The following CYP27C1 variants were observed in gnomAD, a reference collection of about 807,000 sequenced individuals.
The protein encoded by CYP27C1 is cytochrome P450 family 27 subfamily C member 1, also known as cytochrome P450 27C1.
CYP27C1 carries 29 observed loss-of-function variants against 40.6 expected under a neutral mutation model. The observed-to-expected ratio is 0.71, with a 90% CI of 0.53 to 0.97. The LOEUF is 0.97. CYP27C1 is among the 50% of genes least tolerant of loss of function. The probability of loss-of-function intolerance (pLI) is 0.00; values close to 1 mark genes in which losing one functional copy is unlikely to be tolerated. For missense variants in CYP27C1, 390 were observed against 485.8 expected (o/e 0.80, Z 1.85); for synonymous variants, 198 against 186.8 (o/e 1.06, Z -0.49).
At position 127,200,083 on chromosome 2, in the gene CYP27C1, C is replaced by T. The variant is rs1363913739; in HGVS notation, c.884-544G>A. Among the ~76,000 whole-genome samples, 3 of 152,134 alleles carry T rather than the reference C, an allele frequency of 2.0e-5. No homozygotes were observed. The highest frequency in any genetic ancestry group is 7.2e-5 in the African/African-American group (3 of 41,420). On this transcript the variant is annotated intron_variant, in intron 4 of 8. Transcript: ENST00000664447. The surrounding 1 kb of genome is among the most constrained non-coding windows in gnomAD (Gnocchi z 4.2). The stretch of plus-strand genomic sequence containing the variant: ...CAACCTCCGCCTCCCGGGTTCAAGC[C>T]ATTCTCCTGCCTCAGCCTCCCAAGT...
chr2:127,192,077 T>C (rs938829661), intron 8 of CYP27C1, among the ~76,000 whole-genome samples: 1 of 152,060 alleles, frequency 6.6e-6, no homozygotes, highest in Non-Finnish European at 1.5e-5. Context: ...GGTCCCTTAC[T>C]CTCCCTTCTG....
intron 5 of CYP27C1, among the ~76,000 whole-genome samples, chr2:127,198,334 C>T (rs1393573459): frequency 6.6e-6 from 1 of 152,080 alleles, no homozygotes; most frequent in Non-Finnish European, 1.5e-5. Context: ...GAATTCTTGG[C>T]TTTATAAATA....
chr2:127,217,240 A>C (rs896711626), intron 1 of CYP27C1, among the ~76,000 whole-genome samples: 1 of 152,206 alleles, frequency 6.6e-6, no homozygotes, highest in Non-Finnish European at 1.5e-5. Flanking sequence ...TGTTAAGAGC[A>C]CAGACTCTGG....
In CYP27C1 at chr2:127,200,066, G is replaced by A. The variant is rs903502952; in HGVS notation, c.884-527C>T. On this transcript the variant is annotated intron_variant, in intron 4 of 8. Coordinates refer to ENST00000664447, the MANE Select transcript of CYP27C1 (RefSeq NM_001367502.1). This position sits in a 1 kb window ranked among gnomAD's most constrained non-coding sequence, Gnocchi z 4.2. ...AGGATCTCGGCTCACTGCAACCTCC[G>A]CCTCCCGGGTTCAAGCCATTCTCCT... 4.7e-4 allele frequency among the ~76,000 whole-genome samples: 71 copies of A among 152,240 alleles called. No homozygotes were observed. The highest frequency in any genetic ancestry group is 1.7e-3 in the African/African-American group (71 of 41,524).
At chr2:127,193,672 A>G (rs768828390) in intron 7 of CYP27C1, 117 bp downstream of exon 7, 6 of 1,122,692 alleles carry the variant, frequency 5.3e-6, no homozygotes, top group Non-Finnish European at 7.8e-6. Context: ...AATACATGCA[A>G]AAGAAAAGGA....
rs958796021 is a variant in CYP27C1 at position 127,220,265 on chromosome 2, G to T, written c.6C>A (p.Ala2=). Among the ~76,000 whole-genome samples the T allele has an allele frequency of 2.6e-5, 4 of 151,858 alleles. No homozygotes were observed. Among genetic ancestry groups the T allele is most frequent in the Non-Finnish European group, 4.4e-5 (3 of 67,898 alleles). M[A]LLARILRAGL... is the part of the protein sequence containing the mutation. ...CGGCTCTCAGGATCCGCGCCAGCAG[G>T]GCCATGGCGCTCGTCTGCATCGGCT... The change falls in exon 1 of 9, where the codon GCC becomes GCA. Residue 2 remains alanine (A), a synonymous_variant. Transcript: ENST00000664447. This position sits in a 1 kb window ranked among gnomAD's most constrained non-coding sequence, Gnocchi z 4.6.
At chr2:127,204,595 AAG>A (rs1425705614) in intron 2 of CYP27C1, among the ~76,000 whole-genome samples, 1 of 97,752 alleles carries the variant, frequency 1.0e-5, no homozygotes. Flanking sequence ...GAAAGAAAGA[AAG>A]AAAGAAAGAA....
intron 3 of CYP27C1, among the ~76,000 whole-genome samples, chr2:127,202,719 T>A (rs1276562476): frequency 6.6e-6 from 1 of 152,102 alleles, no homozygotes; most frequent in Non-Finnish European, 1.5e-5. Flanking sequence ...TCACTCCTTT[T>A]TAAAAATTAT....
rs1014921477 is a variant in CYP27C1 at position 127,200,492 on chromosome 2, G to A, written c.883+630C>T. On this transcript the variant is annotated intron_variant, in intron 4 of 8. Transcript: ENST00000664447. The surrounding 1 kb of genome is among the most constrained non-coding windows in gnomAD (Gnocchi z 4.2). ...CATTCAAATGAATGTGCGTGGACCTGAAACTCTACATTTTAAGCACTGACC... is the reference window on the plus strand; with the variant it reads ...CATTCAAATGAATGTGCGTGGACCTAAAACTCTACATTTTAAGCACTGACC... Among the ~76,000 whole-genome samples, 2 of 152,130 alleles carry A rather than the reference G, an allele frequency of 1.3e-5. No homozygotes were observed.
At chr2:127,192,956 G>A (rs560243878) in intron 8 of CYP27C1, 138 bp downstream of exon 8, 3 of 1,111,280 alleles carry the variant, frequency 2.7e-6, no homozygotes, top group Admixed American at 2.3e-5. Flanking sequence ...GACCACAGGT[G>A]TGAGCCACAG....
In CYP27C1 at chr2:127,185,354, A is replaced by G. The variant is rs1682598574; in HGVS notation, c.*1917T>C. The G allele has an allele frequency of 6.6e-6, 1 of 152,004 alleles. No individual in the cohort carries two copies. 9.4% of individuals were successfully genotyped at this position (152,004 alleles called of 1,614,324 possible). ...ACCCCCAGCCCGCACTTTGCTATTC[A>G]CCCTGTGCTGATCCCCAGGCAGAGC... On this transcript the variant is annotated 3_prime_UTR_variant, in exon 9 of 9. Transcript: ENST00000664447. The surrounding 1 kb of genome is among the most constrained non-coding windows in gnomAD (Gnocchi z 4.9).
chr2:127,212,569 A>G (rs1285845273), intron 1 of CYP27C1, among the ~76,000 whole-genome samples: 1 of 152,242 alleles, frequency 6.6e-6, no homozygotes, highest in African/African-American at 2.4e-5. Flanking sequence ...CAAAAACTAC[A>G]TAATTATCTC....
At chr2:127,202,377 C>T (rs1353151649) in intron 3 of CYP27C1, among the ~76,000 whole-genome samples, 4 of 152,144 alleles carry the variant, frequency 2.6e-5, no homozygotes, top group Non-Finnish European at 5.9e-5. Flanking sequence ...CCACCCGCCT[C>T]GGCCTCCCAA....
intron 1 of CYP27C1, among the ~76,000 whole-genome samples, chr2:127,211,881 CA>C (rs1471009010): frequency 6.6e-6 from 1 of 151,716 alleles, no homozygotes; most frequent in Non-Finnish European, 1.5e-5. Context: ...AAAAACCCTC[CA>C]AAAAAATCAA....
Position 127,195,424 on chromosome 2 carries a change from A to G in CYP27C1, c.1125T>C (p.Ile375=). 2 of 1,614,056 alleles carry G rather than the reference A, an allele frequency of 1.2e-6. No individual in the cohort carries two copies. Among genetic ancestry groups the G allele is most frequent in the Non-Finnish European group, 8.5e-7 (1 of 1,180,020 alleles). The change falls in exon 6 of 9, where the codon ATT becomes ATC. Residue 375 remains isoleucine, a synonymous_variant. Coordinates refer to ENST00000664447, the MANE Select transcript of CYP27C1 (RefSeq NM_001367502.1). This position sits in a 1 kb window ranked among gnomAD's most constrained non-coding sequence, Gnocchi z 6.2. ...CATGCCTTTCCCCTAAATTCTTCACAATCTCCCGGTACACCGTCTGCTGCA... is the reference window on the plus strand; with the variant it reads ...CATGCCTTTCCCCTAAATTCTTCACGATCTCCCGGTACACCGTCTGCTGCA... The part of the protein sequence containing the change: ...PEVQQTVYRE[I]VKNLGERHVP...
At chr2:127,189,772 TCTAGGCAGAC>T (rs1682722848) in intron 8 of CYP27C1, among the ~76,000 whole-genome samples, 1 of 152,242 alleles carries the variant, frequency 6.6e-6, no homozygotes, top group East Asian at 1.9e-4. Context: ...ACAGATTTTC[TCTAGGCAGAC>T]CATCCTTGCA....
intron 8 of CYP27C1, 93 bp downstream of exon 8, chr2:127,193,001 C>T (rs931329726): frequency 1.2e-5 from 18 of 1,486,258 alleles, no homozygotes; most frequent in East Asian, 2.4e-5. Context: ...TTTCCAAAAC[C>T]GTCTTTGCTT....
intron 4 of CYP27C1, among the ~76,000 whole-genome samples, chr2:127,199,808 T>G (rs1271930729): frequency 6.6e-6 from 1 of 152,234 alleles, no homozygotes; most frequent in Non-Finnish European, 1.5e-5. Context: ...ACTAATCCAA[T>G]AGCCAAATAA....
At chr2:127,204,578 AAAGAAAG>A (rs1683173688) in intron 2 of CYP27C1, among the ~76,000 whole-genome samples, 1 of 84,110 alleles carries the variant, frequency 1.2e-5, no homozygotes, top group Non-Finnish European at 2.3e-5. Flanking sequence ...AGAAAGAAAG[AAAGAAAG>A]AAAGAAAGAA....
Sources: allele counts gnomAD v4.1 joint callset (sites outside exome capture counted in the v4.1 genomes callset), GRCh38; gene constraint gnomAD v4.1.1; non-coding constraint Gnocchi (gnomAD v3.1); transcripts MANE v1.5; gene names NCBI Gene and HGNC (gene_info 2026-07-23, HGNC 2026-07-21).